FRMPD4: variants seen among roughly 807,000 people sequenced by gnomAD.
FRMPD4 encodes FERM and PDZ domain-containing protein 4.
In FRMPD4, 22 loss-of-function variants were observed where a neutral mutation model predicts 94.1. That is an observed-to-expected ratio of 0.23 (90% CI 0.17 to 0.33). The LOEUF is 0.33. FRMPD4 is among the 10% of genes least tolerant of loss of function. The probability of loss-of-function intolerance (pLI) is 1.00; values close to 1 mark genes in which losing one functional copy is unlikely to be tolerated. For missense variants in FRMPD4, 1,111 were observed against 1,339.9 expected, an observed-to-expected ratio of 0.83 and a Z score of 2.67; for synonymous variants, 631 against 548.6, an observed-to-expected ratio of 1.15 and a Z score of -2.10.
chrX:12,324,434 T>C (rs2055255161), intron 1 of FRMPD4, among the ~76,000 whole-genome samples: 1 of 112,433 alleles, frequency 8.9e-6, no homozygotes, highest in African/African-American at 3.2e-5. Flanking sequence ...TTGTGGGCTT[T>C]ACAATATCAA....
chrX:12,111,804 A>G (rs1420602976), intron 3 of FRMPD4, among the ~76,000 whole-genome samples: 1 of 112,237 alleles, frequency 8.9e-6, no homozygotes, highest in East Asian at 2.8e-4. Flanking sequence ...CAGCCAACAG[A>G]CACATGAAAA....
chrX:12,524,268 A>G (rs1403296467), intron 2 of FRMPD4, among the ~76,000 whole-genome samples: 2 of 112,338 alleles, frequency 1.8e-5, no homozygotes, highest in African/African-American at 6.5e-5. Context: ...GATGGACTGG[A>G]ATCTCCTGTT....
intron 3 of FRMPD4, among the ~76,000 whole-genome samples, chrX:12,054,432 A>T (rs1196037299): frequency 9.0e-6 from 1 of 111,229 alleles, no homozygotes; most frequent in Non-Finnish European, 1.9e-5. Flanking sequence ...CTGGTGTTTG[A>T]GTCATCATGG....
Position 12,592,079 on chromosome X carries a change from C to G in FRMPD4, c.159-17642C>G, listed in dbSNP as rs185786544. On this transcript the variant is annotated intron_variant, in intron 2 of 16. Coordinates refer to ENST00000675598, the MANE Select transcript of FRMPD4 (RefSeq NM_001368397.1). Reference sequence around the variant, plus strand: ...TAGAAAGGTCACTGTCTCCCTTCTCCCTTGAAGACCTTCATTTTGGAGGAG... The same window carrying G: ...TAGAAAGGTCACTGTCTCCCTTCTCGCTTGAAGACCTTCATTTTGGAGGAG... Among the ~76,000 whole-genome samples, 77 of 111,440 alleles carry G rather than the reference C, an allele frequency of 6.9e-4. 1 individual carries two copies. Among genetic ancestry groups the G allele is most frequent in the Admixed American group, 2.1e-3 (22 of 10,510 alleles).
At chrX:12,401,662 T>G (rs766744041) in intron 1 of FRMPD4, among the ~76,000 whole-genome samples, 1 of 111,723 alleles carries the variant, frequency 9.0e-6, no homozygotes, top group East Asian at 2.8e-4. Context: ...AGATATCGGT[T>G]TTATAAAGAG....
intron 2 of FRMPD4, among the ~76,000 whole-genome samples, chrX:11,870,508 G>A (rs747717706): frequency 9.0e-6 from 1 of 111,552 alleles, no homozygotes; most frequent in African/African-American, 3.3e-5. Context: ...GCATGCAAGA[G>A]GCCTGATTCA....
chrX:12,413,434 T>G (rs991832077), intron 1 of FRMPD4, among the ~76,000 whole-genome samples: 2 of 112,293 alleles, frequency 1.8e-5, no homozygotes, highest in African/African-American at 6.5e-5. Flanking sequence ...AAGACAAATA[T>G]TAACATCAAC....
intron 3 of FRMPD4, among the ~76,000 whole-genome samples, chrX:12,044,546 A>G (rs2054775065): frequency 8.9e-6 from 1 of 111,942 alleles, no homozygotes. Flanking sequence ...AAACATTAAC[A>G]TTGGACAGTT....
chrX:12,301,717 C>T (rs1223584049), intron 1 of FRMPD4, among the ~76,000 whole-genome samples: 2 of 112,320 alleles, frequency 1.8e-5, no homozygotes, highest in Non-Finnish European at 3.8e-5. Flanking sequence ...AAGTGATGAC[C>T]ATATAGTAAA....
intron 1 of FRMPD4, among the ~76,000 whole-genome samples, chrX:12,286,158 A>G (rs1267621781): frequency 1.8e-5 from 2 of 112,284 alleles, no homozygotes; most frequent in Non-Finnish European, 3.8e-5. Context: ...AAAATAAAGA[A>G]ACATACACAC....
At chrX:12,020,029 T>C (rs928991552) in intron 3 of FRMPD4, among the ~76,000 whole-genome samples, 1 of 111,753 alleles carries the variant, frequency 8.9e-6, no homozygotes, top group African/African-American at 3.3e-5. Context: ...GTCACAGAGT[T>C]GTTAGTGGCA....
At chrX:12,117,819 CTTAT>C (rs778942398) in intron 3 of FRMPD4, among the ~76,000 whole-genome samples, 93 of 111,931 alleles carry the variant, frequency 8.3e-4, no homozygotes, top group Non-Finnish European at 1.4e-3. Flanking sequence ...ATTTGCCAGA[CTTAT>C]TTATCACATT....
At chrX:11,900,335 A>G (rs774574956) in intron 3 of FRMPD4, among the ~76,000 whole-genome samples, 4 of 111,587 alleles carry the variant, frequency 3.6e-5, no homozygotes, top group African/African-American at 1.3e-4. Flanking sequence ...CGGGGGCTTC[A>G]TAAAGGGTAT....
intron 1 of FRMPD4, among the ~76,000 whole-genome samples, chrX:12,189,218 A>G (rs1423438951): frequency 8.9e-6 from 1 of 111,832 alleles, no homozygotes; most frequent in African/African-American, 3.2e-5. Flanking sequence ...CAAAACTCAT[A>G]CAAGAAAAAA....
chrX:12,302,490 A>G (rs2054875925), intron 1 of FRMPD4, among the ~76,000 whole-genome samples: 1 of 111,942 alleles, frequency 8.9e-6, no homozygotes, highest in African/African-American at 3.2e-5. Flanking sequence ...TACTGTTATT[A>G]GCATCTTATT....
chrX:12,053,298 C>A (rs1263375840), intron 3 of FRMPD4, among the ~76,000 whole-genome samples: 2 of 101,726 alleles, frequency 2.0e-5, no homozygotes, highest in East Asian at 6.1e-4. Context: ...GAGATCGTAT[C>A]AGTGTATTCC....
chrX:12,518,502 AGATTC>A (rs755717767), intron 2 of FRMPD4, among the ~76,000 whole-genome samples: 1 of 112,468 alleles, frequency 8.9e-6, no homozygotes, highest in Non-Finnish European at 1.9e-5. Context: ...GCATTTGATA[AGATTC>A]AACAACCTTT....
chrX:12,196,734 T>C (rs927496284), intron 1 of FRMPD4, among the ~76,000 whole-genome samples: 1 of 109,316 alleles, frequency 9.1e-6, no homozygotes, highest in Admixed American at 9.8e-5. Context: ...TGTATATATT[T>C]ATATAGATTT....
At chrX:12,205,171 GCCTGTTCCCAGTGCA>G (rs1368959293) in intron 1 of FRMPD4, among the ~76,000 whole-genome samples, 2 of 108,305 alleles carry the variant, frequency 1.8e-5, no homozygotes, top group African/African-American at 6.8e-5. Context: ...AGCCCATGAA[GCCTGTTCCCAGTGCA>G]CCTAGGCAGA....
Sources: gnomAD v4.1 joint callset for allele counts (sites outside exome capture counted in the v4.1 genomes callset) on GRCh38, gnomAD v4.1.1 for gene constraint, MANE v1.5 for transcripts, NCBI Gene and HGNC (gene_info 2026-07-23, HGNC 2026-07-21) for gene names.